Variants in PDSS2 observed in about 807,000 individuals in gnomAD.
The protein encoded by PDSS2 is decaprenyl diphosphate synthase subunit 2, also known as all trans-polyprenyl-diphosphate synthase PDSS2.
Under a neutral mutation model 44.5 loss-of-function variants are expected in PDSS2, and 31 were observed. That is an observed-to-expected ratio of 0.70 (90% CI 0.52 to 0.94). PDSS2 has a LOEUF of 0.94. Ranked by LOEUF, PDSS2 falls within the 40% of genes least tolerant of loss-of-function variation. The pLI is 0.00. For synonymous variants in PDSS2, 157 were observed against 180.3 expected (o/e 0.87, Z 1.03); for missense variants, 452 against 482.2 (o/e 0.94, Z 0.59).
rs543370815 is a variant in PDSS2 at position 107,439,440 on chromosome 6, C to T, written c.296+19550G>A. Among the ~76,000 whole-genome samples the T allele has an allele frequency of 2.0e-5, 3 of 152,348 alleles. No individual in the cohort carries two copies. In the South Asian group the frequency reaches 6.2e-4, roughly 32 times the overall value. Reference sequence around the variant, plus strand: ...CACAATTAAATTGCATATCAGATCACTTACATTCCTTACAACCATATTCCT... The same window carrying T: ...CACAATTAAATTGCATATCAGATCATTTACATTCCTTACAACCATATTCCT... On this transcript the variant is annotated intron_variant, in intron 1 of 7. Coordinates refer to ENST00000369037, the MANE Select transcript of PDSS2 (RefSeq NM_020381.4).
intron 2 of PDSS2, among the ~76,000 whole-genome samples, chr6:107,309,787 A>G (rs902444875): frequency 8.5e-5 from 13 of 152,366 alleles, no homozygotes; most frequent in African/African-American, 3.1e-4. Context: ...GGCACTACCC[A>G]TAGTTGGATA....
chr6:107,353,610 A>G (rs1778499552), intron 1 of PDSS2, among the ~76,000 whole-genome samples: 1 of 151,962 alleles, frequency 6.6e-6, no homozygotes, highest in Admixed American at 6.6e-5. Flanking sequence ...ACATCAATAA[A>G]AAGTTTTTCT....
At chr6:107,295,072 C>G (rs961938704) in intron 2 of PDSS2, among the ~76,000 whole-genome samples, 12 of 152,150 alleles carry the variant, frequency 7.9e-5, no homozygotes, top group African/African-American at 2.9e-4. Context: ...GCTGGGATTA[C>G]AGGCGCACGC....
chr6:107,405,252 C>T (rs1780274772), intron 1 of PDSS2, among the ~76,000 whole-genome samples: 1 of 151,924 alleles, frequency 6.6e-6, no homozygotes, highest in African/African-American at 2.4e-5. Context: ...AATTCATCGC[C>T]ACTAGACTGG....
intron 4 of PDSS2, among the ~76,000 whole-genome samples, chr6:107,228,605 G>C (rs924453145): frequency 2.0e-5 from 3 of 152,238 alleles, no homozygotes; most frequent in Admixed American, 6.5e-5. Context: ...TGAGGCAAGA[G>C]AATCTCTTGA....
chr6:107,263,314 ATGG>A (rs1425486612), intron 3 of PDSS2, among the ~76,000 whole-genome samples: 1 of 152,122 alleles, frequency 6.6e-6, no homozygotes, highest in Non-Finnish European at 1.5e-5. Context: ...TTAGCCAGGC[ATGG>A]TGGCAGGCGC....
chr6:107,176,767 T>A (rs1202925568), intron 7 of PDSS2, among the ~76,000 whole-genome samples: 1 of 152,208 alleles, frequency 6.6e-6, no homozygotes, highest in Non-Finnish European at 1.5e-5. Flanking sequence ...CTAAACCATA[T>A]GGTAGGGATA....
chr6:107,318,210 A>C (rs2430464), intron 2 of PDSS2, among the ~76,000 whole-genome samples: 109,887 of 151,892 alleles, frequency 0.72, 41,621 homozygotes, highest in East Asian at 0.92. Flanking sequence ...ATAATGAAGT[A>C]TATACTGGCT....
intron 1 of PDSS2, among the ~76,000 whole-genome samples, chr6:107,355,870 C>A (rs1038124875): frequency 2.6e-5 from 4 of 152,326 alleles, no homozygotes; most frequent in African/African-American, 9.6e-5. Flanking sequence ...ACACCCTTCA[C>A]GTGTGATTCT....
intron 3 of PDSS2, among the ~76,000 whole-genome samples, chr6:107,246,130 C>T (rs917320256): frequency 2.6e-5 from 4 of 151,874 alleles, no homozygotes; most frequent in African/African-American, 9.7e-5. Flanking sequence ...GTCCCTGGGT[C>T]AAATGTACCA....
At chr6:107,266,296 G>GAGCT (rs1775409127) in intron 3 of PDSS2, among the ~76,000 whole-genome samples, 1 of 151,968 alleles carries the variant, frequency 6.6e-6, no homozygotes, top group Non-Finnish European at 1.5e-5. Context: ...GATTAAAAGA[G>GAGCT]AGCTACTAAA....
At chr6:107,289,549 T>C (rs999524638) in intron 2 of PDSS2, among the ~76,000 whole-genome samples, 2 of 151,088 alleles carry the variant, frequency 1.3e-5, no homozygotes, top group Non-Finnish European at 2.9e-5. Context: ...AATATAAAAA[T>C]TAGCTGGACG....
rs118093583 is a variant in PDSS2, at chr6:107,357,103, G to A, written c.297-22771C>T. 6.8e-4 allele frequency among the ~76,000 whole-genome samples: 103 copies of A among 152,242 alleles called. 3 individuals are homozygous for A. In the East Asian group the frequency reaches 0.02, roughly 29 times the overall value. Reference sequence around the variant, plus strand: ...GAATTCTAGAGATGACAGAAAACGAGGAAACAACATTTCTTAATGTTATTT... The same window carrying A: ...GAATTCTAGAGATGACAGAAAACGAAGAAACAACATTTCTTAATGTTATTT... On this transcript the variant is annotated intron_variant, in intron 1 of 7. Coordinates refer to ENST00000369037, the MANE Select transcript of PDSS2 (RefSeq NM_020381.4).
chr6:107,328,862 A>G (rs2115212456), intron 2 of PDSS2, among the ~76,000 whole-genome samples: 1 of 152,324 alleles, frequency 6.6e-6, no homozygotes, highest in East Asian at 1.9e-4. Context: ...CCCACTGAAC[A>G]CCTAGTTACA....
chr6:107,187,387 C>G (rs540165773), intron 7 of PDSS2, among the ~76,000 whole-genome samples: 1 of 152,184 alleles, frequency 6.6e-6, no homozygotes, highest in South Asian at 2.1e-4. Flanking sequence ...TCTTAAGGCC[C>G]GGTGTGGTGG....
At chr6:107,185,123 TAAA>T (rs11317647) in intron 7 of PDSS2, among the ~76,000 whole-genome samples, 2 of 88,778 alleles carry the variant, frequency 2.3e-5, no homozygotes. Context: ...ACCTTATATC[TAAA>T]AAAAAAAAAA....
chr6:107,285,116 C>T (rs1776097804), intron 2 of PDSS2, among the ~76,000 whole-genome samples: 1 of 152,152 alleles, frequency 6.6e-6, no homozygotes, highest in African/African-American at 2.4e-5. Flanking sequence ...ATCCCAAACA[C>T]AACATGTGCA....
chr6:107,263,397 G>T (rs985005352), intron 3 of PDSS2, among the ~76,000 whole-genome samples: 3 of 151,480 alleles, frequency 2.0e-5, no homozygotes, highest in Non-Finnish European at 2.9e-5. Context: ...AGTTTGCAGT[G>T]AGCCGAGACT....
At position 107,235,850 on chromosome 6, in the gene PDSS2, C is replaced by T. The variant is rs1225764897; in HGVS notation, c.702+9698G>A. 1.3e-5 allele frequency among the ~76,000 whole-genome samples: 2 copies of T among 152,014 alleles called. 1 individual carries two copies. Among genetic ancestry groups the T allele is most frequent in the Non-Finnish European group, 2.9e-5 (2 of 68,006 alleles). The stretch of plus-strand genomic sequence containing the variant: ...AAACACTGAGCATATTAAGTAGAAA[C>T]ACAGAACATGTAAACTGGTCTGCTT... On this transcript the variant is annotated intron_variant, in intron 4 of 7. Coordinates refer to ENST00000369037, the MANE Select transcript of PDSS2 (RefSeq NM_020381.4).
Sources: gnomAD v4.1 joint callset for allele counts (sites outside exome capture counted in the v4.1 genomes callset) on GRCh38, gnomAD v4.1.1 for gene constraint, MANE v1.5 for transcripts, NCBI Gene and HGNC (gene_info 2026-07-23, HGNC 2026-07-21) for gene names.